Variants in UBE3B observed in about 807,000 individuals in gnomAD.
The protein encoded by UBE3B is ubiquitin protein ligase E3B.
A neutral mutation model predicts 132.3 loss-of-function variants in UBE3B; 80 were observed. The observed-to-expected ratio is 0.60, with a 90% CI of 0.50 to 0.73. The LOEUF (loss-of-function observed/expected upper bound fraction) is 0.73, where lower values mean the gene tolerates loss of function less well. Ranked by LOEUF, UBE3B falls within the 30% of genes least tolerant of loss-of-function variation. The pLI is 0.00. For missense variants in UBE3B, 1,196 were observed against 1,362.5 expected (o/e 0.88, Z 1.92); for synonymous variants, 487 against 520.4 (o/e 0.94, Z 0.87).
At chr12:109,539,406 G>C (rs1196480828), downstream of UBE3B, among the ~76,000 whole-genome samples, 2 of 152,236 alleles carry the variant, frequency 1.3e-5, no homozygotes, top group African/African-American at 4.8e-5. Context: ...GCTGAGTGCA[G>C]ATCTTACGAG....
intron 7 of UBE3B, 131 bp from the exon 8 acceptor site, chr12:109,489,788 G>A (rs1326633250): frequency 3.8e-6 from 3 of 799,900 alleles, no homozygotes; most frequent in Non-Finnish European, 4.2e-6. Context: ...CAGGCCTAAG[G>A]GAAAAGGGAG....
At chr12:109,501,734 C>G (rs554484024) in intron 13 of UBE3B, among the ~76,000 whole-genome samples, 200 bp downstream of exon 13, 2 of 152,318 alleles carry the variant, frequency 1.3e-5, no homozygotes, top group East Asian at 3.9e-4. Flanking sequence ...TTACTAGCCT[C>G]TAACTCCTAG....
intron 14 of UBE3B, among the ~76,000 whole-genome samples, chr12:109,505,567 G>A (rs1386321404): frequency 6.6e-6 from 1 of 152,194 alleles, no homozygotes; most frequent in African/African-American, 2.4e-5. Context: ...ACATTCTTGG[G>A]TGTGTTTGAT....
intron 4 of UBE3B, 55 bp downstream of exon 4, chr12:109,484,036 A>G: frequency 6.5e-7 from 1 of 1,530,620 alleles, no homozygotes; most frequent in Non-Finnish European, 8.9e-7. Flanking sequence ...ATCTTTTATA[A>G]TTATTGATAT....
chr12:109,536,560 CTG>C lies in UBE3B; in HGVS notation c.*1779_*1780del, dbSNP rs1343873404. The C allele has an allele frequency of 6.6e-6, 1 of 152,210 alleles. No homozygotes were observed. Among genetic ancestry groups the C allele is most frequent in the Non-Finnish European group, 1.5e-5 (1 of 68,040 alleles). 9.4% of individuals were successfully genotyped at this position (152,210 alleles called of 1,614,324 possible). On this transcript the variant is annotated 3_prime_UTR_variant, in exon 28 of 28. Coordinates refer to ENST00000342494, the MANE Select transcript of UBE3B (RefSeq NM_130466.4). ...TGGAAATATTGCACTATCTGAAACA[CTG>C]AATCTCCTTTTGTAACTGGTGTTCA... is the stretch of plus-strand genomic sequence containing the variant.
rs1004897967 is a variant in UBE3B, at chr12:109,511,268, C to T, written c.1921C>T (p.Leu641=). 2 of 1,614,066 alleles carry T rather than the reference C, an allele frequency of 1.2e-6. No individual in the cohort carries two copies. Among genetic ancestry groups the T allele is most frequent in the African/African-American group, 1.3e-5 (1 of 74,950 alleles). ...DRDRKRAQLI[L]QYIPHVIPHK... Reference sequence around the variant, plus strand: ...GGACAGAAAACGGGCACAGTTGATCCTGCAGTACATCCCACATGTCATCCC... The same window carrying T: ...GGACAGAAAACGGGCACAGTTGATCTTGCAGTACATCCCACATGTCATCCC... Residue 641 remains leucine (L), a synonymous_variant, in exon 18 of 28, where the codon CTG becomes TTG. Transcript: ENST00000342494.
At chr12:109,488,258 G>T (rs1397585688) in intron 6 of UBE3B, among the ~76,000 whole-genome samples, 1 of 152,206 alleles carries the variant, frequency 6.6e-6, no homozygotes, top group Non-Finnish European at 1.5e-5. Flanking sequence ...TTGCTGCAGA[G>T]TTCAGACAGA....
intron 14 of UBE3B, 120 bp downstream of exon 14, chr12:109,503,310 T>A (rs1879229609): frequency 7.5e-7 from 1 of 1,326,598 alleles, no homozygotes; most frequent in Non-Finnish European, 1.0e-6. Flanking sequence ...AAGGAGGGCA[T>A]TTTTGAGCTG....
intron 18 of UBE3B, among the ~76,000 whole-genome samples, chr12:109,516,167 CTTTTTTTTTTTTT>C (rs59084691): frequency 7.7e-5 from 7 of 91,140 alleles, no homozygotes; most frequent in Non-Finnish European, 1.1e-4. Context: ...TCTTTTTTTT[CTTTTTTTTTTTTT>C]TTTTTTTTTG....
intron 23 of UBE3B, among the ~76,000 whole-genome samples, chr12:109,525,147 A>G (rs937080173): frequency 6.6e-6 from 1 of 152,096 alleles, no homozygotes; most frequent in Non-Finnish European, 1.5e-5. Flanking sequence ...TCCCTGAGCC[A>G]CACTTTCCAT....
intron 8 of UBE3B, chr12:109,490,392 T>C (rs185064031): frequency 1.3e-6 from 2 of 1,516,370 alleles, no homozygotes; most frequent in Non-Finnish European, 1.8e-6. Context: ...AGATCATACC[T>C]CTAGGGAATT....
intron 19 of UBE3B, among the ~76,000 whole-genome samples, chr12:109,518,331 G>A (rs1353648102): frequency 6.6e-6 from 1 of 152,130 alleles, no homozygotes; most frequent in African/African-American, 2.4e-5. Context: ...GTGACGAGGT[G>A]GGCTCCATAA....
chr12:109,511,123 A>T, intron 17 of UBE3B, 81 bp from the exon 18 acceptor site: 1 of 1,270,882 alleles, frequency 7.9e-7, no homozygotes, highest in South Asian at 1.3e-5. Flanking sequence ...CATGTGGCCC[A>T]CATGGTGTCA....
chr12:109,538,924 G>A (rs527574666), downstream of UBE3B, among the ~76,000 whole-genome samples: 1 of 152,106 alleles, frequency 6.6e-6, no homozygotes, highest in Non-Finnish European at 1.5e-5. This position sits in a 1 kb window ranked among gnomAD's most constrained non-coding sequence, Gnocchi z 4.1. Flanking sequence ...ACATACAATC[G>A]CTTGGACTGT....
At chr12:109,487,288 A>G (rs1473396335) in intron 6 of UBE3B, among the ~76,000 whole-genome samples, 1 of 152,148 alleles carries the variant, frequency 6.6e-6, no homozygotes, top group Non-Finnish European at 1.5e-5. Context: ...GTGTTCTGAA[A>G]AGGATGGACA....
chr12:109,533,268 G>A (rs929622577), intron 26 of UBE3B, among the ~76,000 whole-genome samples, 198 bp from the exon 27 acceptor site: 2 of 152,134 alleles, frequency 1.3e-5, no homozygotes, highest in African/African-American at 2.4e-5. Context: ...CTTAGTCCCC[G>A]AGAGCAGCAC....
chr12:109,484,136 A>G lies in UBE3B; in HGVS notation c.282+155A>G, dbSNP rs183026049. ...TTTTCTTGGGACCTGTTTTGGAGGG[A>G]TTATGCCCAGTGCTTTTAGGAATCT... On this transcript the variant is annotated intron_variant, in intron 4 of 27. Transcript: ENST00000342494. 1.4e-5 allele frequency: 10 copies of G among 739,822 alleles called. No homozygotes were observed. The African/African-American group carries it at 1.6e-4, about 12-fold the overall frequency. 45.8% of individuals were successfully genotyped at this position (739,822 alleles called of 1,614,324 possible).
chr12:109,489,926 T>C lies in UBE3B; in HGVS notation c.552T>C (p.Ser184=). 6.2e-7 allele frequency: 1 copy of C among 1,614,168 alleles called. No homozygotes were observed. The highest frequency in any genetic ancestry group is 1.1e-5 in the South Asian group (1 of 91,086). Residue 184 remains serine (S), a synonymous_variant, in exon 8 of 28, where the codon AGT becomes AGC. Coordinates refer to ENST00000342494, the MANE Select transcript of UBE3B (RefSeq NM_130466.4). ...TWKILRGKGE[S]LRPAMNHICA... ...ACTGTTTTCTTTCTTTAGGTGAAAG[T>C]CTTCGACCAGCGATGAACCACATTT...
chr12:109,484,017 A>G (rs377310864), intron 4 of UBE3B, 36 bp downstream of exon 4: 2 of 1,573,464 alleles, frequency 1.3e-6, no homozygotes, highest in African/African-American at 1.4e-5. Context: ...TAATACTTCC[A>G]TATGTCAGAT....
Sources: gnomAD v4.1 joint callset for allele counts (sites outside exome capture counted in the v4.1 genomes callset) on GRCh38, gnomAD v4.1.1 for gene constraint, Gnocchi (gnomAD v3.1) non-coding constraint, MANE v1.5 for transcripts, NCBI Gene and HGNC (gene_info 2026-07-23, HGNC 2026-07-21) for gene names.